DENND1B: variants seen among roughly 807,000 people sequenced by gnomAD.
The protein encoded by DENND1B is DENN domain-containing protein 1B.
In DENND1B, 59 loss-of-function variants were observed where a neutral mutation model predicts 90.1. The observed-to-expected ratio is 0.65, with a 90% confidence interval of 0.53 to 0.81. The LOEUF is 0.81. Ranked by LOEUF, DENND1B falls within the 40% of genes least tolerant of loss-of-function variation. The pLI is 0.00. For synonymous variants in DENND1B, 337 were observed against 324.6 expected (o/e 1.04, Z -0.41); for missense variants, 862 against 912.6 (o/e 0.94, Z 0.71).
rs1571714522 is a variant in DENND1B at position 197,775,148 on chromosome 1, C to T, written c.8G>A (p.Cys3Tyr). Residue 3 changes from cysteine (C) to tyrosine (Y), a missense_variant, in exon 1 of 23, where the codon TGC (cysteine) becomes TAC (tyrosine). By Grantham distance (194) the Cys-to-Tyr change is radical. Coordinates refer to ENST00000620048, the MANE Select transcript of DENND1B (RefSeq NM_001195215.2). Reference protein sequence around the residue: MDCRTKANPDRTF... With the variant: MDYRTKANPDRTF... ...GGGCCCCCCCACTCACTTGGTCCTG[C>T]AGTCCATGGTTACATGTCGGTGTGG... The T allele has an allele frequency of 7.6e-7, 1 of 1,308,786 alleles. No individual in the cohort carries two copies. Among genetic ancestry groups the T allele is most frequent in the East Asian group, 3.3e-5 (1 of 30,724 alleles). 81.1% of individuals were successfully genotyped at this position (1,308,786 alleles called of 1,614,324 possible).
chr1:197,640,656 C>T (rs1349225906), intron 10 of DENND1B, among the ~76,000 whole-genome samples: 2 of 152,058 alleles, frequency 1.3e-5, no homozygotes, highest in African/African-American at 2.4e-5. Context: ...CTGAGTCAAA[C>T]AGATTACTTG....
intron 2 of DENND1B, among the ~76,000 whole-genome samples, chr1:197,737,689 T>C (rs544370702): frequency 6.6e-6 from 1 of 152,314 alleles, no homozygotes; most frequent in South Asian, 2.1e-4. Context: ...AACATTCACA[T>C]AGGTATCCAG....
intron 2 of DENND1B, among the ~76,000 whole-genome samples, chr1:197,760,857 A>C (rs947487804): frequency 3.9e-5 from 6 of 152,194 alleles, no homozygotes; most frequent in African/African-American, 1.4e-4. Flanking sequence ...AATATTTACA[A>C]ATTAAAATTT....
intron 15 of DENND1B, among the ~76,000 whole-genome samples, chr1:197,570,419 C>T (rs1673050216): frequency 6.6e-6 from 1 of 152,032 alleles, no homozygotes; most frequent in Non-Finnish European, 1.5e-5. Flanking sequence ...ATATAGTTAT[C>T]CAAGGCCCAC....
intron 2 of DENND1B, among the ~76,000 whole-genome samples, chr1:197,716,050 A>G (rs1206651122): frequency 1.3e-5 from 2 of 151,902 alleles, no homozygotes; most frequent in Non-Finnish European, 2.9e-5. Context: ...TGGATCAAAG[A>G]TAACACTTCA....
At position 197,509,433 on chromosome 1, in the gene DENND1B, G is replaced by T. The variant is rs1667878772; in HGVS notation, c.*1027C>A. 1 of 151,678 alleles carries T rather than the reference G, an allele frequency of 6.6e-6. No homozygotes were observed. Among genetic ancestry groups the T allele is most frequent in the African/African-American group, 2.4e-5 (1 of 41,350 alleles). The allele number at this position is 151,678 out of a possible 1,614,324, so 9.4% of individuals were successfully genotyped here. A position where few individuals can be genotyped will look rare whatever the true frequency, so the allele number is the denominator to read the frequency against. Reference sequence around the variant, plus strand: ...AATAAAGTATGGAATATCAATATTGGTTCACTAATTGGGGCAGATGTACCA... The same window carrying T: ...AATAAAGTATGGAATATCAATATTGTTTCACTAATTGGGGCAGATGTACCA... On this transcript the variant is annotated 3_prime_UTR_variant, in exon 23 of 23. Coordinates refer to ENST00000620048, the MANE Select transcript of DENND1B (RefSeq NM_001195215.2).
rs144847167 is a variant in DENND1B at position 197,510,764 on chromosome 1, T to A, written c.2024A>T (p.Asp675Val). 4.0e-5 allele frequency: 64 copies of A among 1,612,632 alleles called. No homozygotes were observed. The highest frequency in any genetic ancestry group is 3.3e-4 in the African/African-American group (25 of 74,892). Residue 675 changes from aspartate (D) to valine (V), a missense_variant, in exon 23 of 23, where the codon GAC becomes GTC. Physicochemically the swap from Asp to Val is radical, Grantham distance 152 (BLOSUM62 -3). Transcript: ENST00000620048. The stretch of plus-strand genomic sequence containing the variant: ...TCCTGAAGTAGGGTCACTCACATTG[T>A]CAGCACCGAGGTGCTTGTTACTGTT... Reference protein sequence around the residue: ...EENSNKHLGADNVSDPTSGLD... With the variant: ...EENSNKHLGAVNVSDPTSGLD...
intron 2 of DENND1B, among the ~76,000 whole-genome samples, chr1:197,759,893 T>C (rs912792890): frequency 6.6e-6 from 1 of 152,092 alleles, no homozygotes; most frequent in Non-Finnish European, 1.5e-5. Flanking sequence ...CAGAATGAGA[T>C]TGAAAAATCC....
chr1:197,583,250 C>T lies in DENND1B; in HGVS notation c.1051G>A (p.Glu351Lys). The stretch of plus-strand genomic sequence containing the variant: ...CTCTCCTCACAGAAAGTGATGGGCT[C>T]ACCCTAGATAGAAATAAAGATTTTA... ...YRDALRYKPG[E>K]PITFCEESFV... Residue 351 changes from glutamate to lysine, a missense_variant, in exon 15 of 23, where the codon GAG (glutamate) becomes AAG (lysine). Transcript: ENST00000620048. 6.2e-7 allele frequency: 1 copy of T among 1,613,582 alleles called. No homozygotes were observed. Among genetic ancestry groups the T allele is most frequent in the Non-Finnish European group, 8.5e-7 (1 of 1,179,678 alleles).
chr1:197,644,076 A>G (rs371617566), intron 9 of DENND1B, among the ~76,000 whole-genome samples: 2 of 152,226 alleles, frequency 1.3e-5, no homozygotes, highest in East Asian at 1.9e-4. Flanking sequence ...AGAACCTGTA[A>G]CTATCAGTGG....
At chr1:197,542,040 G>A (rs1401557390) in intron 18 of DENND1B, among the ~76,000 whole-genome samples, 1 of 152,104 alleles carries the variant, frequency 6.6e-6, no homozygotes, top group East Asian at 1.9e-4. Context: ...CAGATAACCT[G>A]GAAGGCCGGA....
intron 20 of DENND1B, among the ~76,000 whole-genome samples, 172 bp downstream of exon 20, chr1:197,539,792 A>G (rs1670195472): frequency 6.6e-6 from 1 of 152,072 alleles, no homozygotes; most frequent in Admixed American, 6.6e-5. Flanking sequence ...GAAACATTTG[A>G]CTCTCAATCC....
chr1:197,581,737 T>C (rs575044317), intron 15 of DENND1B, among the ~76,000 whole-genome samples: 9 of 152,312 alleles, frequency 5.9e-5, no homozygotes, highest in African/African-American at 2.2e-4. Context: ...AGGAACTAGT[T>C]ACAGAAGTTC....
At chr1:197,559,664 C>A (rs1285017916) in intron 15 of DENND1B, among the ~76,000 whole-genome samples, 1 of 151,924 alleles carries the variant, frequency 6.6e-6, no homozygotes, top group Non-Finnish European at 1.5e-5. Flanking sequence ...CAAAAATAAA[C>A]TAATTTCTTA....
At chr1:197,651,566 G>A (rs535467845) in intron 7 of DENND1B, among the ~76,000 whole-genome samples, 3 of 145,676 alleles carry the variant, frequency 2.1e-5, no homozygotes, top group Non-Finnish European at 3.0e-5. Flanking sequence ...ACTAAGTACC[G>A]TTTTCATTTT....
intron 2 of DENND1B, among the ~76,000 whole-genome samples, chr1:197,720,684 C>T (rs1401599648): frequency 1.3e-5 from 2 of 152,062 alleles, no homozygotes; most frequent in African/African-American, 2.4e-5. Context: ...GCACAGACTC[C>T]GGCAAAACAC....
intron 3 of DENND1B, among the ~76,000 whole-genome samples, chr1:197,695,955 A>G (rs183332416): frequency 1.2e-3 from 189 of 151,568 alleles, no homozygotes; most frequent in Admixed American, 2.8e-3. Context: ...AAAATTTTTT[A>G]AATTATGAAT....
At chr1:197,555,193 A>G (rs1194372363) in intron 15 of DENND1B, among the ~76,000 whole-genome samples, 1 of 152,142 alleles carries the variant, frequency 6.6e-6, no homozygotes, top group Non-Finnish European at 1.5e-5. Context: ...CTCAAGGTGA[A>G]TTAAAGACTT....
At chr1:197,513,183 A>C (rs1223248290) in intron 20 of DENND1B, among the ~76,000 whole-genome samples, 5 of 151,296 alleles carry the variant, frequency 3.3e-5, no homozygotes, top group Admixed American at 3.3e-4. Context: ...AAAAAAAAAA[A>C]AACCCAACAG....
Sources: allele counts gnomAD v4.1 joint callset (sites outside exome capture counted in the v4.1 genomes callset), GRCh38; gene constraint gnomAD v4.1.1; transcripts MANE v1.5; gene names NCBI Gene and HGNC (gene_info 2026-07-23, HGNC 2026-07-21).